The following WWOX variants were observed in gnomAD, a reference collection of about 807,000 sequenced individuals.
The protein encoded by WWOX is WW domain containing oxidoreductase, also known as WW domain-containing oxidoreductase.
A neutral mutation model predicts 46.2 loss-of-function variants in WWOX; 69 were observed. The ratio of observed to expected loss-of-function variants is 1.49; its 90% CI spans 1.23 to 1.82. The LOEUF is 1.82. WWOX is among the 40% of genes most tolerant of loss of function. The pLI, the probability that WWOX is intolerant of heterozygous loss-of-function variation, is 0.00. For synonymous variants in WWOX, 359 were observed against 202.6 expected (o/e 1.77, Z -6.56); for missense variants, 919 against 542.6 (o/e 1.69, Z -6.89).
At chr16:78,196,464 T>G (rs907910287) in intron 5 of WWOX, among the ~76,000 whole-genome samples, 4 of 152,208 alleles carry the variant, frequency 2.6e-5, no homozygotes, top group Non-Finnish European at 4.4e-5. Flanking sequence ...AAGAAGGCCG[T>G]TTTTAAATAA....
At chr16:78,106,595 T>C (rs1426378881) in intron 1 of WWOX, among the ~76,000 whole-genome samples, 3 of 152,038 alleles carry the variant, frequency 2.0e-5, no homozygotes, top group African/African-American at 2.4e-5. Context: ...TTTGTATTTT[T>C]AGTAGAGACA....
chr16:78,728,328 C>G lies in WWOX; in HGVS notation c.1056+295576C>G, dbSNP rs577478299. The stretch of plus-strand genomic sequence containing the variant: ...CAAGCGATTCTCCCGCCTTGGCCTC[C>G]CAAAGTGCTAGGATGATGATAGGCA... On this transcript the variant is annotated intron_variant, in intron 8 of 8. Coordinates refer to ENST00000566780, the MANE Select transcript of WWOX (RefSeq NM_016373.4). Among the ~76,000 whole-genome samples, 4 of 152,124 alleles carry G rather than the reference C, an allele frequency of 2.6e-5. No individual in the cohort carries two copies. The South Asian group carries it at 6.2e-4, about 24-fold the overall frequency.
At chr16:78,994,156 C>T (rs1021538061) in intron 8 of WWOX, among the ~76,000 whole-genome samples, 5 of 152,296 alleles carry the variant, frequency 3.3e-5, no homozygotes, top group Admixed American at 2.6e-4. Flanking sequence ...ATCAAAACCC[C>T]CTTCAGACAA....
chr16:78,353,753 C>A (rs2081228526), intron 5 of WWOX, among the ~76,000 whole-genome samples: 1 of 149,538 alleles, frequency 6.7e-6, no homozygotes. Flanking sequence ...GGCTCACCTG[C>A]CTTTGCTCAG....
chr16:78,719,349 A>C (rs538521343), intron 8 of WWOX, among the ~76,000 whole-genome samples: 2 of 152,304 alleles, frequency 1.3e-5, no homozygotes, highest in Admixed American at 1.3e-4. Flanking sequence ...CCGTGAGACC[A>C]CCATTTGCTA....
intron 8 of WWOX, among the ~76,000 whole-genome samples, chr16:78,765,386 G>A (rs894746506): frequency 2.6e-5 from 4 of 152,132 alleles, no homozygotes; most frequent in South Asian, 4.1e-4. Flanking sequence ...AAATTTCCAC[G>A]TAAGATTCGG....
chr16:78,840,174 G>A (rs2052100073), intron 8 of WWOX, among the ~76,000 whole-genome samples: 1 of 152,184 alleles, frequency 6.6e-6, no homozygotes, highest in African/African-American at 2.4e-5. Context: ...TTGACCCTCA[G>A]TGTGTACTTG....
chr16:78,281,066 C>T (rs747774706), intron 5 of WWOX: 2 of 152,164 alleles, frequency 1.3e-5, no homozygotes, highest in Non-Finnish European at 2.9e-5. Context: ...CGATATCCTT[C>T]GTTTCCAAAG....
At chr16:79,051,535 G>A (rs2048166963) in intron 8 of WWOX, among the ~76,000 whole-genome samples, 1 of 134,614 alleles carries the variant, frequency 7.4e-6, no homozygotes, top group South Asian at 2.5e-4. Flanking sequence ...ATGGCTGCCT[G>A]CAAGGGAGGC....
chr16:78,868,121 A>G lies in WWOX; in HGVS notation c.1057-343487A>G, dbSNP rs75327344. Among the ~76,000 whole-genome samples, 459 of 152,348 alleles carry G rather than the reference A, an allele frequency of 3.0e-3. 6 individuals carry two copies. The highest frequency in any genetic ancestry group is 0.01 in the African/African-American group (427 of 41,580). On this transcript the variant is annotated intron_variant, in intron 8 of 8. Coordinates refer to ENST00000566780, the MANE Select transcript of WWOX (RefSeq NM_016373.4). ...CATCCATGATAGCCAAACGCCGGAA[A>G]TACCCAAATGTCCATTAGCTGGGGA...
At chr16:78,395,968 G>C in intron 6 of WWOX, among the ~76,000 whole-genome samples, 1 of 152,056 alleles carries the variant, frequency 6.6e-6, no homozygotes, top group East Asian at 1.9e-4. Flanking sequence ...GGATAAGTGA[G>C]GTACAGCAGG....
At chr16:78,780,041 T>C (rs2050285533) in intron 8 of WWOX, among the ~76,000 whole-genome samples, 1 of 152,150 alleles carries the variant, frequency 6.6e-6, no homozygotes, top group Admixed American at 6.5e-5. Context: ...GTAGAAGCCA[T>C]ATGGATACTT....
intron 8 of WWOX, among the ~76,000 whole-genome samples, chr16:78,486,857 C>T (rs1207381563): frequency 6.6e-6 from 1 of 152,212 alleles, no homozygotes. Context: ...CAGGCATGAG[C>T]CACCGCCCCC....
At chr16:78,992,365 G>T (rs1031035732) in intron 8 of WWOX, among the ~76,000 whole-genome samples, 3 of 152,132 alleles carry the variant, frequency 2.0e-5, no homozygotes, top group African/African-American at 7.2e-5. Context: ...TACTCTGGAG[G>T]CTGAGGCAGG....
At chr16:78,870,761 C>G (rs1218392343) in intron 8 of WWOX, among the ~76,000 whole-genome samples, 2 of 152,086 alleles carry the variant, frequency 1.3e-5, no homozygotes, top group East Asian at 3.9e-4. Flanking sequence ...GCCACCATGC[C>G]CAGCTAAATT....
At chr16:78,560,724 TAAAA>T in intron 8 of WWOX, among the ~76,000 whole-genome samples, 1 of 152,074 alleles carries the variant, frequency 6.6e-6, no homozygotes, top group East Asian at 1.9e-4. Context: ...CTTAAGCAAT[TAAAA>T]AAAAGCAGCT....
chr16:79,204,008 A>G (rs183912867), intron 8 of WWOX: 18 of 152,324 alleles, frequency 1.2e-4, no homozygotes, highest in Admixed American at 7.8e-4. Flanking sequence ...GCCCAGTTGG[A>G]AAATTTCAGT....
intron 8 of WWOX, among the ~76,000 whole-genome samples, chr16:78,634,754 C>T (rs968005151): frequency 7.0e-6 from 1 of 143,692 alleles, no homozygotes; most frequent in Non-Finnish European, 1.5e-5. Flanking sequence ...TGCCGATAAA[C>T]ATCATCTGGA....
intron 8 of WWOX, among the ~76,000 whole-genome samples, chr16:79,112,437 C>T (rs1226597458): frequency 1.3e-5 from 2 of 152,168 alleles, no homozygotes; most frequent in Non-Finnish European, 2.9e-5. Flanking sequence ...GAATATCCAT[C>T]CATCTGGGGG....
Sources: gnomAD v4.1 joint callset for allele counts (sites outside exome capture counted in the v4.1 genomes callset) on GRCh38, gnomAD v4.1.1 for gene constraint, MANE v1.5 for transcripts, NCBI Gene and HGNC (gene_info 2026-07-23, HGNC 2026-07-21) for gene names.